Variants in IQCJ observed in about 807,000 individuals in gnomAD.
IQCJ encodes IQ domain-containing protein J.
A neutral mutation model predicts 11.0 loss-of-function variants in IQCJ; 9 were observed. The ratio of observed to expected loss-of-function variants is 0.82; its 90% CI spans 0.49 to 1.43. The LOEUF (loss-of-function observed/expected upper bound fraction) is 1.43. Ranked by LOEUF, IQCJ falls within the 40% of genes most tolerant of loss-of-function variation. The pLI is 0.00. For synonymous variants in IQCJ, 55 were observed against 51.3 expected (o/e 1.07, Z -0.31); for missense variants, 146 against 133.2 (o/e 1.10, Z -0.47).
intron 1 of IQCJ, among the ~76,000 whole-genome samples, chr3:159,101,814 T>C (rs925198911): frequency 5.9e-5 from 9 of 152,200 alleles, no homozygotes; most frequent in African/African-American, 2.2e-4. Context: ...GTTAACATGG[T>C]TTTTCTTAAC....
intron 1 of IQCJ, among the ~76,000 whole-genome samples, chr3:159,108,921 T>G (rs61796009): frequency 0.56 from 85,130 of 152,088 alleles, 27,452 homozygotes; most frequent in Non-Finnish European, 0.71. Context: ...AGGGAGTGGG[T>G]TTTGTGTGGG....
chr3:159,221,132 T>G (rs1725513413), intron 1 of IQCJ, among the ~76,000 whole-genome samples: 1 of 152,118 alleles, frequency 6.6e-6, no homozygotes, highest in South Asian at 2.1e-4. Flanking sequence ...CCTTCAAATC[T>G]CAAACAGAAG....
At chr3:159,240,882 C>T (rs186129895) in intron 1 of IQCJ, among the ~76,000 whole-genome samples, 21 of 152,164 alleles carry the variant, frequency 1.4e-4, no homozygotes, top group African/African-American at 4.1e-4. Context: ...CATGAGCCAC[C>T]GCACCCGGCC....
intron 2 of IQCJ, among the ~76,000 whole-genome samples, chr3:159,246,693 G>T (rs1727293354): frequency 6.6e-6 from 1 of 152,192 alleles, no homozygotes; most frequent in African/African-American, 2.4e-5. Context: ...AATTAAAATT[G>T]TGAGAGTTCT....
intron 1 of IQCJ, among the ~76,000 whole-genome samples, chr3:159,092,246 A>G (rs1016004262): frequency 2.6e-5 from 4 of 151,988 alleles, no homozygotes; most frequent in Non-Finnish European, 4.4e-5. Flanking sequence ...GGATACAGTC[A>G]GACAAATCCA....
intron 1 of IQCJ, among the ~76,000 whole-genome samples, chr3:159,135,200 C>G (rs552311052): frequency 6.6e-6 from 1 of 152,270 alleles, no homozygotes; most frequent in Admixed American, 6.5e-5. Context: ...ACATTTCTTG[C>G]AAGGCTTACT....
intron 1 of IQCJ, among the ~76,000 whole-genome samples, chr3:159,167,712 G>A (rs1052628260): frequency 6.6e-6 from 1 of 152,190 alleles, no homozygotes; most frequent in Non-Finnish European, 1.5e-5. Flanking sequence ...TGGTGTTACA[G>A]AAGGAAGCAA....
At chr3:159,182,084 A>G (rs1465038553) in intron 1 of IQCJ, among the ~76,000 whole-genome samples, 1 of 151,892 alleles carries the variant, frequency 6.6e-6, no homozygotes, top group Non-Finnish European at 1.5e-5. Context: ...CATTATATAC[A>G]TGCATGTAGC....
chr3:159,115,162 G>A (rs577512645), intron 1 of IQCJ, among the ~76,000 whole-genome samples: 1 of 152,218 alleles, frequency 6.6e-6, no homozygotes, highest in African/African-American at 2.4e-5. Flanking sequence ...AAATCTCAGT[G>A]GTTTCATATA....
chr3:159,226,705 A>G (rs1045411546), intron 1 of IQCJ, among the ~76,000 whole-genome samples: 4 of 152,206 alleles, frequency 2.6e-5, no homozygotes, highest in African/African-American at 9.7e-5. Context: ...GTACAGAGAA[A>G]TGTAAGAAAG....
chr3:159,191,088 T>A (rs1723659165), intron 1 of IQCJ, among the ~76,000 whole-genome samples: 1 of 152,020 alleles, frequency 6.6e-6, no homozygotes, highest in South Asian at 2.1e-4. Context: ...GCAATTGGAG[T>A]GGGGAAAACG....
intron 1 of IQCJ, among the ~76,000 whole-genome samples, chr3:159,109,712 G>T (rs1718506963): frequency 6.6e-6 from 1 of 152,020 alleles, no homozygotes; most frequent in South Asian, 2.1e-4. Flanking sequence ...ATGCCTCTGT[G>T]TGTGTTGTGA....
intron 1 of IQCJ, among the ~76,000 whole-genome samples, chr3:159,142,946 G>A (rs1720712626): frequency 6.6e-6 from 1 of 151,978 alleles, no homozygotes. Flanking sequence ...TATATATTAG[G>A]TCTTGATAAT....
intron 1 of IQCJ, among the ~76,000 whole-genome samples, chr3:159,166,402 C>T (rs1722168409): frequency 6.6e-6 from 1 of 152,166 alleles, no homozygotes; most frequent in South Asian, 2.1e-4. Flanking sequence ...ATGGCTTTGC[C>T]AACCTGACAT....
At chr3:159,152,649 T>C (rs1449347421) in intron 1 of IQCJ, among the ~76,000 whole-genome samples, 9 of 152,220 alleles carry the variant, frequency 5.9e-5, no homozygotes, top group Admixed American at 5.2e-4. Context: ...ATTGAGTACT[T>C]ACTATGCCTA....
chr3:159,083,495 C>A (rs1408247655), intron 1 of IQCJ, among the ~76,000 whole-genome samples: 1 of 152,026 alleles, frequency 6.6e-6, no homozygotes, highest in African/African-American at 2.4e-5. Flanking sequence ...AAAACTGGAC[C>A]ACTCAGACAC....
chr3:159,175,522 C>T (rs1722747354), intron 1 of IQCJ, among the ~76,000 whole-genome samples: 1 of 152,114 alleles, frequency 6.6e-6, no homozygotes, highest in South Asian at 2.1e-4. Flanking sequence ...CCAGTAAGTT[C>T]CCCTCATCCC....
intron 2 of IQCJ, among the ~76,000 whole-genome samples, chr3:159,251,485 T>A (rs907520035): frequency 6.6e-6 from 1 of 151,872 alleles, no homozygotes; most frequent in African/African-American, 2.4e-5. Flanking sequence ...ACACTGTAGA[T>A]CATAATCTAT....
At chr3:159,085,867 T>C (rs947569858) in intron 1 of IQCJ, among the ~76,000 whole-genome samples, 27 of 151,128 alleles carry the variant, frequency 1.8e-4, no homozygotes, top group African/African-American at 6.1e-4. Context: ...TTTTATAGGT[T>C]GCCTGTTCAC....
Sources: allele counts gnomAD v4.1 joint callset (sites outside exome capture counted in the v4.1 genomes callset), GRCh38; gene constraint gnomAD v4.1.1; transcripts MANE v1.5; gene names NCBI Gene and HGNC (gene_info 2026-07-23, HGNC 2026-07-21).